DLG2: variants seen among roughly 807,000 people sequenced by gnomAD.
The protein encoded by DLG2 is discs large MAGUK scaffold protein 2.
In DLG2, 45 loss-of-function variants were observed where a neutral mutation model predicts 132.5. The observed-to-expected ratio is 0.34, with a 90% CI of 0.27 to 0.44. The LOEUF (loss-of-function observed/expected upper bound fraction) is 0.44, where lower values mean the gene tolerates loss of function less well. DLG2 is among the 20% of genes least tolerant of loss of function. The pLI is 1.00. For missense variants in DLG2, 1,045 were observed against 1,196.9 expected, an observed-to-expected ratio of 0.87 and a Z score of 1.87; for synonymous variants, 424 against 419.6, an observed-to-expected ratio of 1.01 and a Z score of -0.13.
chr11:84,052,365 C>A (rs1435661706), intron 11 of DLG2, among the ~76,000 whole-genome samples: 1 of 151,654 alleles, frequency 6.6e-6, no homozygotes, highest in African/African-American at 2.4e-5. Context: ...ATATTAAAAG[C>A]TTTTAATAAA....
chr11:85,571,511 T>C lies in DLG2; in HGVS notation c.40+27146A>G, dbSNP rs534359169. Among the ~76,000 whole-genome samples the C allele has an allele frequency of 4.9e-4, 74 of 152,272 alleles. 2 individuals are homozygous for C. Among genetic ancestry groups the C allele is most frequent in the African/African-American group, 1.6e-3 (68 of 41,580 alleles). ...CAACCCTCATGCAAGCAGTTACAAC[T>C]CTGCCTTAGCCTTCATATTCTGATT... On this transcript the variant is annotated intron_variant, in intron 3 of 27. Transcript: ENST00000376104.
At chr11:85,159,541 C>G (rs1438722404) in intron 4 of DLG2, among the ~76,000 whole-genome samples, 1 of 152,200 alleles carries the variant, frequency 6.6e-6, no homozygotes, top group African/African-American at 2.4e-5. Flanking sequence ...CATCCCCATT[C>G]AACTCTCCTA....
chr11:84,200,004 T>C (rs1297606674), intron 8 of DLG2, among the ~76,000 whole-genome samples: 1 of 151,922 alleles, frequency 6.6e-6, no homozygotes, highest in East Asian at 1.9e-4. Flanking sequence ...AGTCAAAATA[T>C]TATAAATTTT....
chr11:85,287,664 G>A (rs1464117914), intron 3 of DLG2, among the ~76,000 whole-genome samples: 2 of 151,870 alleles, frequency 1.3e-5, no homozygotes, highest in Admixed American at 1.3e-4. Flanking sequence ...ATAAACTTTG[G>A]CACATATGCA....
chr11:84,184,331 G>A (rs1434401136), intron 8 of DLG2, among the ~76,000 whole-genome samples: 1 of 152,058 alleles, frequency 6.6e-6, no homozygotes, highest in Non-Finnish European at 1.5e-5. Flanking sequence ...GGCCAGTGAT[G>A]ATGAGCATTT....
At chr11:85,621,217 GAA>G (rs35568778) in intron 2 of DLG2, among the ~76,000 whole-genome samples, 29 of 141,210 alleles carry the variant, frequency 2.1e-4, no homozygotes, top group South Asian at 4.5e-4. Flanking sequence ...CTACTACTCA[GAA>G]AAAAAAAAAA....
intron 6 of DLG2, among the ~76,000 whole-genome samples, chr11:84,952,164 T>C (rs764946737): frequency 3.9e-5 from 6 of 152,218 alleles, no homozygotes; most frequent in Non-Finnish European, 7.3e-5. Flanking sequence ...AGCCATTAAA[T>C]ATACAAAAGA....
chr11:85,448,141 G>C (rs2092090496), intron 3 of DLG2, among the ~76,000 whole-genome samples: 1 of 152,092 alleles, frequency 6.6e-6, no homozygotes, highest in South Asian at 2.1e-4. Context: ...TTTTATACTT[G>C]AAAGTACCTT....
At chr11:83,888,567 C>T (rs1423709242) in intron 15 of DLG2, among the ~76,000 whole-genome samples, 2 of 152,132 alleles carry the variant, frequency 1.3e-5, no homozygotes, top group Non-Finnish European at 2.9e-5. Context: ...ATCAAGCTAC[C>T]AATGACTTTC....
intron 4 of DLG2, among the ~76,000 whole-genome samples, chr11:85,239,306 C>G (rs567336228): frequency 1.3e-5 from 2 of 152,158 alleles, no homozygotes; most frequent in Non-Finnish European, 2.9e-5. Flanking sequence ...TTACATTTCT[C>G]TCAACTGCAA....
chr11:85,127,726 AT>A (rs1241183139), intron 5 of DLG2, among the ~76,000 whole-genome samples: 2 of 152,156 alleles, frequency 1.3e-5, no homozygotes, highest in Admixed American at 6.5e-5. Flanking sequence ...TCAGGAAACC[AT>A]TTGTTGCCTT....
intron 8 of DLG2, among the ~76,000 whole-genome samples, chr11:84,207,077 CTCTCTA>C (rs1444809197): frequency 4.7e-5 from 5 of 106,194 alleles, no homozygotes; most frequent in African/African-American, 1.5e-4. Flanking sequence ...CTCTCTCTCT[CTCTCTA>C]TATATATATA....
chr11:83,959,367 A>G (rs1055758685), intron 14 of DLG2, among the ~76,000 whole-genome samples: 3 of 152,158 alleles, frequency 2.0e-5, no homozygotes, highest in African/African-American at 7.2e-5. Flanking sequence ...ACATGGAACA[A>G]AAGTTTTCCA....
At chr11:83,593,663 AAAAAAAAAAG>A (rs1396039705) in intron 19 of DLG2, among the ~76,000 whole-genome samples, 1 of 134,862 alleles carries the variant, frequency 7.4e-6, no homozygotes, top group Non-Finnish European at 1.5e-5. Context: ...GAAATATATT[AAAAAAAAAAG>A]AAAAAAAAAG....
intron 7 of DLG2, among the ~76,000 whole-genome samples, chr11:84,259,024 T>C (rs2097517222): frequency 6.6e-6 from 1 of 152,162 alleles, no homozygotes; most frequent in South Asian, 2.1e-4. Context: ...GTAATCCCAG[T>C]GCTTCGGGAT....
Position 84,449,420 on chromosome 11 carries a change from T to G in DLG2, c.519+85150A>C, listed in dbSNP as rs146744667. ...TATTCCTGATATTAACTGCAACCTCTCTCCAGCTTAAAAAATATACAAAGT... is the reference window on the plus strand; with the variant it reads ...TATTCCTGATATTAACTGCAACCTCGCTCCAGCTTAAAAAATATACAAAGT... On this transcript the variant is annotated intron_variant, in intron 7 of 27. Transcript: ENST00000376104. Among the ~76,000 whole-genome samples, 846 of 151,750 alleles carry G rather than the reference T, an allele frequency of 5.6e-3. 8 individuals carry two copies. The highest frequency in any genetic ancestry group is 0.019 in the African/African-American group (799 of 41,474).
At chr11:85,146,534 C>G (rs1037904915) in intron 5 of DLG2, among the ~76,000 whole-genome samples, 6 of 152,112 alleles carry the variant, frequency 3.9e-5, no homozygotes, top group African/African-American at 1.4e-4. Flanking sequence ...CATCCAGGAG[C>G]TAGGACCTGG....
chr11:84,538,119 G>T (rs1366213592), intron 6 of DLG2, among the ~76,000 whole-genome samples: 1 of 152,158 alleles, frequency 6.6e-6, no homozygotes, highest in Non-Finnish European at 1.5e-5. Flanking sequence ...ACCATACCTC[G>T]TGATAAACTC....
At chr11:84,182,140 C>T (rs1297534122) in intron 8 of DLG2, among the ~76,000 whole-genome samples, 1 of 152,088 alleles carries the variant, frequency 6.6e-6, no homozygotes, top group Non-Finnish European at 1.5e-5. Context: ...TAAAACAAAT[C>T]TTAACAAGTT....
Sources: gnomAD v4.1 joint callset for allele counts (sites outside exome capture counted in the v4.1 genomes callset) on GRCh38, gnomAD v4.1.1 for gene constraint, MANE v1.5 for transcripts, NCBI Gene and HGNC (gene_info 2026-07-23, HGNC 2026-07-21) for gene names.